The following ST18 variants were observed in gnomAD, a reference collection of about 807,000 sequenced individuals.
The protein encoded by ST18 is suppression of tumorigenicity 18 protein.
A neutral mutation model predicts 110.0 loss-of-function variants in ST18; 50 were observed. That is an observed-to-expected ratio of 0.45 (90% CI 0.36 to 0.58). The LOEUF (loss-of-function observed/expected upper bound fraction) is 0.58. Among genes scored for constraint, ST18 ranks in the 20% least tolerant of loss-of-function variants. The pLI is 0.00. For synonymous variants in ST18, 461 were observed against 452.4 expected (o/e 1.02, Z -0.24); for missense variants, 1,306 against 1,280.1 (o/e 1.02, Z -0.31).
At chr8:52,178,472 C>G (rs1312713975) in intron 9 of ST18, among the ~76,000 whole-genome samples, 1 of 151,408 alleles carries the variant, frequency 6.6e-6, no homozygotes, top group Non-Finnish European at 1.5e-5. Flanking sequence ...ACCAAAAATA[C>G]AAAAATTAGC....
At chr8:52,368,684 G>T (rs548675261) in intron 2 of ST18, among the ~76,000 whole-genome samples, 1 of 152,124 alleles carries the variant, frequency 6.6e-6, no homozygotes, top group East Asian at 1.9e-4. Flanking sequence ...ACAGTCTTCA[G>T]ATAACCAAAG....
At chr8:52,128,955 T>C (rs1468967686) in intron 22 of ST18, among the ~76,000 whole-genome samples, 2 of 152,002 alleles carry the variant, frequency 1.3e-5, no homozygotes, top group Admixed American at 1.3e-4. Context: ...AGGTAACAAG[T>C]GATGGGAAAG....
chr8:52,268,535 CATCTATCTATCTATTT>C (rs1336702789), intron 2 of ST18, among the ~76,000 whole-genome samples: 5 of 150,248 alleles, frequency 3.3e-5, no homozygotes, highest in African/African-American at 1.2e-4. Context: ...TACTATCTAT[CATCTATCTATCTATTT>C]ATCTATCTAT....
At chr8:52,277,780 A>G (rs948696393) in intron 2 of ST18, among the ~76,000 whole-genome samples, 2 of 152,226 alleles carry the variant, frequency 1.3e-5, no homozygotes, top group Non-Finnish European at 2.9e-5. Flanking sequence ...TAAAAGTTCT[A>G]CGTTTTCCAG....
chr8:52,128,485 G>A (rs1185724277), intron 22 of ST18, among the ~76,000 whole-genome samples: 1 of 152,066 alleles, frequency 6.6e-6, no homozygotes, highest in East Asian at 1.9e-4. Context: ...TATATCACTT[G>A]TCTTCTCAGA....
At chr8:52,143,261 C>A (rs919866492) in intron 16 of ST18, among the ~76,000 whole-genome samples, 1 of 152,114 alleles carries the variant, frequency 6.6e-6, no homozygotes, top group Non-Finnish European at 1.5e-5. Context: ...CCGAGGCAGG[C>A]GGATCACGAG....
chr8:52,168,307 G>A (rs1269430693), intron 10 of ST18, among the ~76,000 whole-genome samples: 2 of 150,584 alleles, frequency 1.3e-5, no homozygotes, highest in Non-Finnish European at 3.0e-5. Context: ...AGATGCTGAC[G>A]TTGGAACATG....
intron 2 of ST18, among the ~76,000 whole-genome samples, chr8:52,347,955 C>G (rs1003478216): frequency 5.3e-5 from 8 of 152,122 alleles, no homozygotes; most frequent in African/African-American, 1.9e-4. Flanking sequence ...TATATTAAGA[C>G]CATATATATT....
intron 2 of ST18, among the ~76,000 whole-genome samples, chr8:52,272,296 T>C (rs559996844): frequency 2.0e-5 from 3 of 152,100 alleles, no homozygotes; most frequent in East Asian, 1.9e-4. Context: ...AAGCCAAAAA[T>C]ATGACAAAGG....
chr8:52,161,956 T>A (rs1447397890), intron 13 of ST18, among the ~76,000 whole-genome samples: 1 of 152,228 alleles, frequency 6.6e-6, no homozygotes, highest in Non-Finnish European at 1.5e-5. Context: ...ACGCCTATAA[T>A]CCCAGCCGTT....
At chr8:52,404,194 A>G (rs773742464) in intron 2 of ST18, 3 of 152,198 alleles carry the variant, frequency 2.0e-5, no homozygotes, top group Non-Finnish European at 4.4e-5. Flanking sequence ...AAATAAATAA[A>G]TTTGATTAAC....
chr8:52,148,021 G>T (rs1248451350), intron 16 of ST18, among the ~76,000 whole-genome samples: 3 of 152,158 alleles, frequency 2.0e-5, no homozygotes, highest in Non-Finnish European at 4.4e-5. Flanking sequence ...CAGACTTTTA[G>T]ATGATACACG....
intron 3 of ST18, among the ~76,000 whole-genome samples, chr8:52,224,970 C>T (rs928835371): frequency 6.6e-6 from 1 of 152,266 alleles, no homozygotes; most frequent in African/African-American, 2.4e-5. Context: ...AATGCTATGG[C>T]AACTCTCATA....
chr8:52,279,622 C>A (rs1032834691), intron 2 of ST18, among the ~76,000 whole-genome samples: 8 of 152,018 alleles, frequency 5.3e-5, no homozygotes, highest in Non-Finnish European at 8.8e-5. Context: ...AATAAAGACA[C>A]AAGAATATTT....
At chr8:52,377,262 G>C (rs1400037956) in intron 2 of ST18, among the ~76,000 whole-genome samples, 1 of 152,154 alleles carries the variant, frequency 6.6e-6, no homozygotes, top group African/African-American at 2.4e-5. Context: ...AGAACCCATA[G>C]GACAACTAGC....
At chr8:52,193,759 G>T (rs1042165119) in intron 8 of ST18, among the ~76,000 whole-genome samples, 2 of 152,228 alleles carry the variant, frequency 1.3e-5, no homozygotes, top group African/African-American at 4.8e-5. Context: ...CTTTTACCCA[G>T]TGAGGACTGT....
intron 8 of ST18, among the ~76,000 whole-genome samples, chr8:52,199,963 T>G (rs1040299994): frequency 6.6e-5 from 10 of 152,192 alleles, no homozygotes; most frequent in Non-Finnish European, 1.5e-4. Flanking sequence ...CTTATGTAAA[T>G]GTCGTATAGG....
rs1423226956 is a variant in ST18, at chr8:52,132,047, C to T, written c.2577G>A (p.Trp859Ter). 1 of 1,614,212 alleles carries T rather than the reference C, an allele frequency of 6.2e-7. No homozygotes were observed. Among genetic ancestry groups the T allele is most frequent in the Admixed American group, 1.7e-5 (1 of 60,020 alleles). Residue 859 changes from tryptophan (W) to a stop codon, truncating the protein, a stop_gained, in exon 22 of 26, where the codon TGG (tryptophan) becomes TGA (stop). Transcript: ENST00000689386. LOFTEE classifies it high-confidence loss of function. ...ENPLNGASLS[W>*]KLNKQELPHC... ...GTGGTAGCTCTTGTTTGTTCAGTTT[C>T]CAGGAGAGGGAGGCTCCATTGAGAG...
intron 2 of ST18, among the ~76,000 whole-genome samples, chr8:52,249,067 A>C (rs2094083248): frequency 6.6e-6 from 1 of 152,210 alleles, no homozygotes; most frequent in African/African-American, 2.4e-5. Flanking sequence ...CCTGAATGGT[A>C]GTTATTGGCA....
Sources: allele counts gnomAD v4.1 joint callset (sites outside exome capture counted in the v4.1 genomes callset), GRCh38; gene constraint gnomAD v4.1.1; transcripts MANE v1.5; gene names NCBI Gene and HGNC (gene_info 2026-07-23, HGNC 2026-07-21).